The following JAK2 variants were observed in gnomAD, a reference collection of about 807,000 sequenced individuals.
JAK2 encodes Janus kinase 2, also known as tyrosine-protein kinase JAK2.
Under a neutral mutation model 139.3 loss-of-function variants are expected in JAK2, and 86 were observed. That is an observed-to-expected ratio of 0.62 (90% CI 0.52 to 0.74). The LOEUF is 0.74. Ranked by LOEUF, JAK2 falls within the 30% of genes least tolerant of loss-of-function variation. The pLI, the probability that JAK2 is intolerant of heterozygous loss-of-function variation, is 0.00. For missense variants in JAK2, 1,421 were observed against 1,360.3 expected (o/e 1.04, Z -0.70); for synonymous variants, 490 against 437.7 (o/e 1.12, Z -1.49).
At chr9:5,067,411 A>G (rs1173400898) in intron 10 of JAK2, among the ~76,000 whole-genome samples, 1 of 152,148 alleles carries the variant, frequency 6.6e-6, no homozygotes, top group Non-Finnish European at 1.5e-5. Context: ...CTAAGAAACT[A>G]TAGAAGCTTG....
intron 4 of JAK2, among the ~76,000 whole-genome samples, chr9:5,034,619 A>T (rs1417372996): frequency 1.3e-5 from 2 of 152,094 alleles, no homozygotes; most frequent in African/African-American, 4.8e-5. Context: ...GAAACTGAAC[A>T]ACCTGCTCCT....
intron 22 of JAK2, among the ~76,000 whole-genome samples, chr9:5,095,167 A>T (rs3780370): frequency 2.6e-5 from 4 of 151,924 alleles, no homozygotes; most frequent in Admixed American, 6.6e-5. Flanking sequence ...AAGTAAGTTC[A>T]GCTAAATAAG....
chr9:5,061,053 A>G (rs1818136793), intron 8 of JAK2, among the ~76,000 whole-genome samples: 1 of 152,230 alleles, frequency 6.6e-6, no homozygotes, highest in Admixed American at 6.5e-5. Flanking sequence ...TTTTCTGAGC[A>G]GATCTTAACA....
In JAK2 at chr9:5,085,646, T is replaced by A. The variant is rs1412656282; in HGVS notation, c.2571+3785T>A. ...AGGACAGCCTTCTTTTCACCCCAGA[T>A]CTTGTGTGTTTTCCTTTTCGAGAAC... On this transcript the variant is annotated intron_variant, in intron 19 of 24. Coordinates refer to ENST00000381652, the MANE Select transcript of JAK2 (RefSeq NM_004972.4). The A allele has an allele frequency of 1.1e-5, 8 of 723,138 alleles. No individual in the cohort carries two copies. In the East Asian group the frequency reaches 2.0e-4, roughly 18 times the overall value. The allele number at this position is 723,138 out of a possible 1,614,324, so 44.8% of individuals were successfully genotyped here.
At chr9:5,070,538 A>G (rs1416215701) in intron 12 of JAK2, among the ~76,000 whole-genome samples, 2 of 152,114 alleles carry the variant, frequency 1.3e-5, no homozygotes, top group East Asian at 3.8e-4. Flanking sequence ...TTTGCATCCT[A>G]TGAACACTGT....
intron 22 of JAK2, chr9:5,112,270 C>A (rs769482165): frequency 1.2e-5 from 3 of 257,320 alleles, no homozygotes; most frequent in Non-Finnish European, 1.5e-5. Context: ...GCCCTGCGGG[C>A]AGCGCCAGCC....
At chr9:5,012,139 C>T (rs192451348) in intron 2 of JAK2, among the ~76,000 whole-genome samples, 39 of 152,280 alleles carry the variant, frequency 2.6e-4, no homozygotes, top group Admixed American at 1.2e-3. Context: ...CAGCTCCAAA[C>T]TTCATTCTCT....
chr9:5,050,904 G>A, intron 6 of JAK2, 73 bp downstream of exon 6: 2 of 1,298,260 alleles, frequency 1.5e-6, no homozygotes, highest in Non-Finnish European at 2.2e-6. Flanking sequence ...TATTTTCTGT[G>A]TTTACCCATG....
intron 22 of JAK2, among the ~76,000 whole-genome samples, chr9:5,119,540 G>A (rs557214727): frequency 3.2e-4 from 48 of 152,032 alleles, no homozygotes; most frequent in African/African-American, 1.1e-3. Flanking sequence ...TATATATCTG[G>A]CATAATTAAT....
chr9:5,063,784 A>G (rs942068023), intron 8 of JAK2, among the ~76,000 whole-genome samples: 1 of 152,216 alleles, frequency 6.6e-6, no homozygotes, highest in African/African-American at 2.4e-5. Context: ...TTTTGTATGT[A>G]AAAATATAAT....
intron 8 of JAK2, among the ~76,000 whole-genome samples, chr9:5,057,729 A>C (rs1477082459): frequency 2.6e-5 from 4 of 151,626 alleles, no homozygotes; most frequent in Non-Finnish European, 5.9e-5. Flanking sequence ...TTACAGGTGC[A>C]CGCCACCATG....
At chr9:5,115,416 T>A (rs149879564) in intron 22 of JAK2, among the ~76,000 whole-genome samples, 1,762 of 152,310 alleles carry the variant, frequency 0.012, 26 homozygotes, top group Non-Finnish European at 0.017. Context: ...CAACAACAGA[T>A]GCTGAAGAGG....
rs1429131183 is a variant in JAK2 at position 5,050,813 on chromosome 9, C to G, written c.596C>G (p.Ala199Gly). 6.2e-7 allele frequency: 1 copy of G among 1,613,214 alleles called. No individual in the cohort carries two copies. Among genetic ancestry groups the G allele is most frequent in the Admixed American group, 1.7e-5 (1 of 59,920 alleles). ...AAAGAAAACGATCAAACCCCACTGG[C>G]CATCTATAACTCTATCAGGTAATTT... The part of the protein sequence containing the change: ...IAKENDQTPL[A>G]IYNSISYKTF... The change falls in exon 6 of 25, where the codon GCC becomes GGC. Residue 199 changes from alanine (A) to glycine (G), a missense_variant. Transcript: ENST00000381652.
rs1820022871 is a variant in JAK2 at position 5,085,570 on chromosome 9, C to G, written c.2571+3709C>G. ...TAAAATAGATATAACAGCTGTATTT[C>G]CAGTTTGTGCCCCACCTATAGATAC... is the stretch of plus-strand genomic sequence containing the variant. On this transcript the variant is annotated intron_variant, in intron 19 of 24. Coordinates refer to ENST00000381652, the MANE Select transcript of JAK2 (RefSeq NM_004972.4). 19 of 690,360 alleles carry G rather than the reference C, an allele frequency of 2.8e-5. No individual in the cohort carries two copies. The South Asian group carries it at 2.8e-4, about 10-fold the overall frequency. 42.8% of individuals were successfully genotyped at this position (690,360 alleles called of 1,614,324 possible).
chr9:5,041,969 G>C, intron 4 of JAK2: 1 of 373,142 alleles, frequency 2.7e-6, no homozygotes, highest in South Asian at 2.1e-5. Flanking sequence ...GCGGCCCCTT[G>C]GGGAGCGAGC....
At chr9:5,099,866 T>C (rs1000607153) in intron 22 of JAK2, 2 of 152,212 alleles carry the variant, frequency 1.3e-5, no homozygotes, top group African/African-American at 4.8e-5. Flanking sequence ...AACCTGGGTA[T>C]AGCAATCCCC....
intron 2 of JAK2, among the ~76,000 whole-genome samples, chr9:5,006,159 T>G (rs1821287843): frequency 6.6e-6 from 1 of 152,178 alleles, no homozygotes; most frequent in African/African-American, 2.4e-5. Context: ...TTGTATCCTC[T>G]TTTATTTCAT....
At chr9:5,065,599 T>A (rs1417619666) in intron 9 of JAK2, among the ~76,000 whole-genome samples, 5 of 152,226 alleles carry the variant, frequency 3.3e-5, no homozygotes, top group Admixed American at 3.3e-4. Flanking sequence ...AATTTTAATT[T>A]AATTTTAATT....
rs368145999 is a variant in JAK2, at chr9:5,040,847, G to A, written c.351-3556G>A. 92 of 215,750 alleles carry A rather than the reference G, an allele frequency of 4.3e-4. No individual in the cohort carries two copies. In the East Asian group the frequency reaches 0.011, roughly 26 times the overall value. The allele number at this position is 215,750 out of a possible 1,614,324, so 13.4% of individuals were successfully genotyped here. A position where few individuals can be genotyped will look rare whatever the true frequency, so the allele number is the denominator to read the frequency against. On this transcript the variant is annotated intron_variant, in intron 4 of 24. Coordinates refer to ENST00000381652, the MANE Select transcript of JAK2 (RefSeq NM_004972.4). Reference sequence around the variant, plus strand: ...CCGAGTGGGGCGCCAGAGCCCCAGCGCGAGCAGGAGAGGGGCCGGAGCGCG... The same window carrying A: ...CCGAGTGGGGCGCCAGAGCCCCAGCACGAGCAGGAGAGGGGCCGGAGCGCG...
Sources: gnomAD v4.1 joint callset for allele counts (sites outside exome capture counted in the v4.1 genomes callset) on GRCh38, gnomAD v4.1.1 for gene constraint, MANE v1.5 for transcripts, NCBI Gene and HGNC (gene_info 2026-07-23, HGNC 2026-07-21) for gene names.